Variants in TRAPPC9 observed in about 807,000 individuals in gnomAD.
TRAPPC9 encodes trafficking protein particle complex subunit 9, also known as IKK2 binding protein.
Under a neutral mutation model 124.0 loss-of-function variants are expected in TRAPPC9, and 83 were observed. The observed-to-expected ratio is 0.67, with a 90% CI of 0.56 to 0.80. The LOEUF (loss-of-function observed/expected upper bound fraction) is 0.80. Among genes scored for constraint, TRAPPC9 ranks in the 30% least tolerant of loss-of-function variants. TRAPPC9 has a pLI of 0.00. For missense variants in TRAPPC9, 1,302 were observed against 1,508.3 expected (o/e 0.86, Z 2.27); for synonymous variants, 638 against 617.5 (o/e 1.03, Z -0.49).
At chr8:140,152,950 T>C (rs1196386865) in intron 17 of TRAPPC9, among the ~76,000 whole-genome samples, 1 of 152,226 alleles carries the variant, frequency 6.6e-6, no homozygotes, top group Non-Finnish European at 1.5e-5. Flanking sequence ...TCCTATCTTA[T>C]TCCTAATTTT....
chr8:139,852,952 CT>C (rs890714848), intron 21 of TRAPPC9, among the ~76,000 whole-genome samples: 16 of 152,320 alleles, frequency 1.1e-4, no homozygotes, highest in African/African-American at 1.7e-4. Flanking sequence ...GGCCTGCCCC[CT>C]GTCTGATCAT....
intron 17 of TRAPPC9, among the ~76,000 whole-genome samples, chr8:140,093,079 C>T (rs984813494): frequency 6.6e-6 from 1 of 151,652 alleles, no homozygotes; most frequent in African/African-American, 2.4e-5. Flanking sequence ...TTCCTCTTGT[C>T]AGCCTACACA....
chr8:139,788,174 T>A lies in TRAPPC9; in HGVS notation c.3056-55972A>T, dbSNP rs1822406392. On this transcript the variant is annotated intron_variant, in intron 21 of 22. Transcript: ENST00000438773. This position sits in a 1 kb window ranked among gnomAD's most constrained non-coding sequence, Gnocchi z 4.9. ...AAGTCCCACAGGACCGCCTCCCAGA[T>A]CAAAAACCCACATGCCCCTCTTGGC... Among the ~76,000 whole-genome samples the A allele has an allele frequency of 6.6e-6, 1 of 152,064 alleles. No individual in the cohort carries two copies. Among genetic ancestry groups the A allele is most frequent in the Non-Finnish European group, 1.5e-5 (1 of 68,010 alleles).
intron 21 of TRAPPC9, among the ~76,000 whole-genome samples, chr8:139,761,688 C>T (rs1482318884): frequency 6.6e-6 from 1 of 152,016 alleles, no homozygotes; most frequent in Non-Finnish European, 1.5e-5. Flanking sequence ...TTCCTGGCTC[C>T]AGGTGCTGGG....
At chr8:139,904,614 T>C (rs1831227183) in intron 20 of TRAPPC9, 1 of 152,244 alleles carries the variant, frequency 6.6e-6, no homozygotes, top group African/African-American at 2.4e-5. Context: ...AGTTGCACAA[T>C]CTCTGGTGAG....
chr8:139,764,527 G>C (rs979295188), intron 21 of TRAPPC9, among the ~76,000 whole-genome samples: 1 of 152,180 alleles, frequency 6.6e-6, no homozygotes, highest in Non-Finnish European at 1.5e-5. Flanking sequence ...CTCTAGTGCC[G>C]GCAGAATGGC....
rs575645996 is a variant in TRAPPC9 at position 139,776,574 on chromosome 8, G to A, written c.3056-44372C>T. Among the ~76,000 whole-genome samples, 9 of 152,146 alleles carry A rather than the reference G, an allele frequency of 5.9e-5. No homozygotes were observed. Among genetic ancestry groups the A allele is most frequent in the African/African-American group, 1.2e-4 (5 of 41,438 alleles). On this transcript the variant is annotated intron_variant, in intron 21 of 22. Coordinates refer to ENST00000438773, the MANE Select transcript of TRAPPC9 (RefSeq NM_001160372.4). This position sits in a 1 kb window ranked among gnomAD's most constrained non-coding sequence, Gnocchi z 4.1. ...ACAGCTGACCACCCAGGCCTCATTC[G>A]CAGCTGTGTTCTGAACCTGGACTCC...
intron 17 of TRAPPC9, chr8:140,041,022 T>C (rs1299869244): frequency 6.6e-6 from 1 of 152,184 alleles, no homozygotes; most frequent in East Asian, 1.9e-4. Flanking sequence ...TTTGTCAAGG[T>C]AATATCCAGG....
At chr8:140,318,420 C>A (rs2066496748) in intron 9 of TRAPPC9, among the ~76,000 whole-genome samples, 1 of 152,080 alleles carries the variant, frequency 6.6e-6, no homozygotes, top group Non-Finnish European at 1.5e-5. Flanking sequence ...AAATGTACAG[C>A]ACTCAACTCT....
chr8:140,035,655 T>C (rs1840830011), intron 17 of TRAPPC9, among the ~76,000 whole-genome samples: 1 of 152,156 alleles, frequency 6.6e-6, no homozygotes, highest in South Asian at 2.1e-4. Context: ...GTTGCTCCAG[T>C]TCCCGTAGCT....
At chr8:140,149,101 GA>G in intron 17 of TRAPPC9, among the ~76,000 whole-genome samples, 1 of 152,230 alleles carries the variant, frequency 6.6e-6, no homozygotes, top group Non-Finnish European at 1.5e-5. Context: ...TAATACATAA[GA>G]AAAAGCTTTC....
intron 9 of TRAPPC9, among the ~76,000 whole-genome samples, chr8:140,349,368 C>T (rs2067466784): frequency 2.1e-5 from 2 of 93,276 alleles, no homozygotes; most frequent in South Asian, 3.1e-4. Flanking sequence ...GAAGGGCGCG[C>T]GAGGGAAGGG....
At chr8:139,860,100 G>GCACAA (rs1828033485) in intron 21 of TRAPPC9, among the ~76,000 whole-genome samples, 1 of 152,244 alleles carries the variant, frequency 6.6e-6, no homozygotes, top group Non-Finnish European at 1.5e-5. Flanking sequence ...TATCAGCACA[G>GCACAA]TGTCAGCACA....
At chr8:140,378,780 T>G (rs2068520811) in intron 7 of TRAPPC9, among the ~76,000 whole-genome samples, 1 of 152,202 alleles carries the variant, frequency 6.6e-6, no homozygotes, top group Non-Finnish European at 1.5e-5. Context: ...GTCTAAGGTT[T>G]ATTTTCTATC....
intron 17 of TRAPPC9, among the ~76,000 whole-genome samples, chr8:140,086,659 T>C (rs1291340754): frequency 6.6e-6 from 1 of 152,192 alleles, no homozygotes; most frequent in Non-Finnish European, 1.5e-5. Flanking sequence ...TGGTGGCTCA[T>C]GCCTGTAATC....
intron 17 of TRAPPC9, among the ~76,000 whole-genome samples, chr8:140,141,074 A>G (rs531577226): frequency 5.6e-4 from 86 of 152,344 alleles, no homozygotes; most frequent in Admixed American, 1.6e-3. Flanking sequence ...AGGAGAACCA[A>G]CCACATTTCT....
chr8:139,823,517 G>C (rs1016963817), intron 21 of TRAPPC9, among the ~76,000 whole-genome samples: 1 of 152,184 alleles, frequency 6.6e-6, no homozygotes, highest in African/African-American at 2.4e-5. Context: ...GCAACCATCA[G>C]AGACTCTGGC....
chr8:140,334,689 G>T (rs559367976), intron 9 of TRAPPC9, among the ~76,000 whole-genome samples: 1 of 143,172 alleles, frequency 7.0e-6, no homozygotes, highest in Non-Finnish European at 1.6e-5. Flanking sequence ...AAATAAATAA[G>T]TTCCACATGT....
intron 13 of TRAPPC9, among the ~76,000 whole-genome samples, chr8:140,284,529 A>T (rs1286613857): frequency 6.6e-6 from 1 of 152,188 alleles, no homozygotes; most frequent in Non-Finnish European, 1.5e-5. Flanking sequence ...TAAGCACCAT[A>T]ATTTAAGATT....
Sources: gnomAD v4.1 joint callset for allele counts (sites outside exome capture counted in the v4.1 genomes callset) on GRCh38, gnomAD v4.1.1 for gene constraint, Gnocchi (gnomAD v3.1) non-coding constraint, MANE v1.5 for transcripts, NCBI Gene and HGNC (gene_info 2026-07-23, HGNC 2026-07-21) for gene names.